Variants in LRFN5 observed in about 807,000 individuals in gnomAD.
The protein encoded by LRFN5 is leucine-rich repeat and fibronectin type-III domain-containing protein 5.
In LRFN5, 24 loss-of-function variants were observed where a neutral mutation model predicts 45.6. The ratio of observed to expected loss-of-function variants is 0.53; its 90% confidence interval spans 0.38 to 0.74. The LOEUF (loss-of-function observed/expected upper bound fraction) is 0.74, where lower values mean the gene tolerates loss of function less well. Ranked by LOEUF, LRFN5 falls within the 30% of genes least tolerant of loss-of-function variation. LRFN5 has a pLI of 0.00. For missense variants in LRFN5, 776 were observed against 861.5 expected (o/e 0.90, Z 1.24); for synonymous variants, 340 against 313.8 (o/e 1.08, Z -0.88).
At chr14:41,839,084 A>G (rs1051140156) in intron 2 of LRFN5, among the ~76,000 whole-genome samples, 8 of 152,154 alleles carry the variant, frequency 5.3e-5, no homozygotes, top group Non-Finnish European at 1.2e-4. Flanking sequence ...GTAGCCTGAG[A>G]TAGTGTATTC....
intron 1 of LRFN5, among the ~76,000 whole-genome samples, chr14:41,697,089 C>T (rs1279722064): frequency 6.6e-6 from 1 of 151,772 alleles, no homozygotes; most frequent in Non-Finnish European, 1.5e-5. Flanking sequence ...TGATAACCTC[C>T]TAAAACTTGT....
intron 2 of LRFN5, among the ~76,000 whole-genome samples, chr14:41,875,122 T>A (rs562984754): frequency 6.6e-6 from 1 of 152,362 alleles, no homozygotes; most frequent in East Asian, 1.9e-4. Flanking sequence ...TTAATTGTAC[T>A]TATCTCCTGG....
intron 2 of LRFN5, among the ~76,000 whole-genome samples, chr14:41,861,868 G>A (rs1889676241): frequency 6.6e-6 from 1 of 152,064 alleles, no homozygotes; most frequent in South Asian, 2.1e-4. Context: ...CTCATACCCT[G>A]CCTATTGATG....
rs574185931 is a variant in LRFN5 at position 41,738,912 on chromosome 14, A to G, written c.-196-27942A>G. On this transcript the variant is annotated intron_variant, in intron 1 of 5. Coordinates refer to ENST00000298119, the MANE Select transcript of LRFN5 (RefSeq NM_152447.5). ...ACTATTTACAACAAATGAATCTAAC[A>G]GGTATTATAGAACAGTTCATCTAAC... 2.0e-5 allele frequency among the ~76,000 whole-genome samples: 3 copies of G among 152,346 alleles called. No individual in the cohort carries two copies. The South Asian group carries it at 6.2e-4, about 32-fold the overall frequency.
intron 1 of LRFN5, among the ~76,000 whole-genome samples, chr14:41,629,066 A>C (rs2138575035): frequency 6.6e-6 from 1 of 152,336 alleles, no homozygotes; most frequent in Admixed American, 6.5e-5. Context: ...AGATCTATAT[A>C]GATATTTAAA....
At chr14:41,824,322 C>T (rs1161102620) in intron 2 of LRFN5, among the ~76,000 whole-genome samples, 1 of 152,148 alleles carries the variant, frequency 6.6e-6, no homozygotes, top group Non-Finnish European at 1.5e-5. Context: ...TACTTTTGGT[C>T]AGTTGGTTCC....
At chr14:41,687,474 A>G (rs1013804400) in intron 1 of LRFN5, among the ~76,000 whole-genome samples, 2 of 152,212 alleles carry the variant, frequency 1.3e-5, no homozygotes, top group African/African-American at 4.8e-5. Flanking sequence ...TGATCCAGCA[A>G]TCTCATTACT....
At chr14:41,817,782 G>A (rs1233934101) in intron 2 of LRFN5, among the ~76,000 whole-genome samples, 1 of 152,088 alleles carries the variant, frequency 6.6e-6, no homozygotes. Context: ...AATACAAAAG[G>A]GTAAGGGCCC....
Position 41,865,371 on chromosome 14 carries a change from G to C in LRFN5, c.-20-21235G>C, listed in dbSNP as rs537433323. On this transcript the variant is annotated intron_variant, in intron 2 of 5. Coordinates refer to ENST00000298119, the MANE Select transcript of LRFN5 (RefSeq NM_152447.5). ...TGTTTTTATGTAGCATGATTTCAAG[G>C]TTCATTTATGGTATTGCGTATATCA... is the stretch of plus-strand genomic sequence containing the variant. 5.1e-4 allele frequency among the ~76,000 whole-genome samples: 77 copies of C among 152,090 alleles called. 1 individual carries two copies. The highest frequency in any genetic ancestry group is 9.2e-4 in the Admixed American group (14 of 15,254).
chr14:41,719,735 ATG>A (rs367934897), intron 1 of LRFN5, among the ~76,000 whole-genome samples: 16 of 150,642 alleles, frequency 1.1e-4, no homozygotes, highest in East Asian at 5.8e-4. Context: ...ATATATATGT[ATG>A]TGTGTGTGTA....
At chr14:41,609,373 A>C (rs577330603) in intron 1 of LRFN5, among the ~76,000 whole-genome samples, 1 of 149,422 alleles carries the variant, frequency 6.7e-6, no homozygotes, top group Admixed American at 6.7e-5. Flanking sequence ...GATATTTTGA[A>C]TTTTTTTTTT....
At chr14:41,764,602 G>A (rs1050769549) in intron 1 of LRFN5, among the ~76,000 whole-genome samples, 3 of 152,004 alleles carry the variant, frequency 2.0e-5, no homozygotes, top group Non-Finnish European at 4.4e-5. Flanking sequence ...ATGATATTTT[G>A]AGGCCTTTAT....
chr14:41,901,840 G>A (rs965760215), intron 5 of LRFN5, among the ~76,000 whole-genome samples: 24 of 152,060 alleles, frequency 1.6e-4, no homozygotes, highest in African/African-American at 5.8e-4. Flanking sequence ...GCAGGAGGAG[G>A]TTCCTATGAT....
chr14:41,673,249 T>C (rs1881326840), intron 1 of LRFN5, among the ~76,000 whole-genome samples: 1 of 151,376 alleles, frequency 6.6e-6, no homozygotes, highest in Non-Finnish European at 1.5e-5. Context: ...CCAGACGGGG[T>C]GGTGGCCGGG....
chr14:41,883,331 A>G (rs1890453225), intron 2 of LRFN5, among the ~76,000 whole-genome samples: 1 of 144,624 alleles, frequency 6.9e-6, no homozygotes, highest in Admixed American at 7.1e-5. Flanking sequence ...TATTCCAGAA[A>G]TACTATTTAT....
At chr14:41,710,016 T>C (rs891067533) in intron 1 of LRFN5, among the ~76,000 whole-genome samples, 2 of 152,020 alleles carry the variant, frequency 1.3e-5, no homozygotes, top group Non-Finnish European at 2.9e-5. Context: ...ATAGACTAAC[T>C]GGCGTGTTTC....
At chr14:41,796,420 TAG>T (rs1887133560) in intron 2 of LRFN5, among the ~76,000 whole-genome samples, 1 of 151,950 alleles carries the variant, frequency 6.6e-6, no homozygotes, top group Non-Finnish European at 1.5e-5. Flanking sequence ...ATATTTTACA[TAG>T]AGTTTCAGAT....
chr14:41,724,893 G>T (rs1461326987), intron 1 of LRFN5, among the ~76,000 whole-genome samples: 1 of 151,926 alleles, frequency 6.6e-6, no homozygotes, highest in Non-Finnish European at 1.5e-5. Flanking sequence ...TTGGTAATCG[G>T]TTACTACCTT....
chr14:41,902,757 T>TA lies in LRFN5; in HGVS notation c.2143-1401_2143-1400insA, dbSNP rs533859792. The stretch of plus-strand genomic sequence containing the variant: ...CTTCTAGGTGTACTGCAACTTTTAC[T>TA]TTTACTACTTTTTGTAACTTGACCT... On this transcript the variant is annotated intron_variant, in intron 5 of 5. Coordinates refer to ENST00000298119, the MANE Select transcript of LRFN5 (RefSeq NM_152447.5). 3.4e-3 allele frequency among the ~76,000 whole-genome samples: 515 copies of TA among 151,932 alleles called. 3 individuals carry two copies. The highest frequency in any genetic ancestry group is 0.012 in the African/African-American group (478 of 41,554).
Sources: allele counts gnomAD v4.1 joint callset (sites outside exome capture counted in the v4.1 genomes callset), GRCh38; gene constraint gnomAD v4.1.1; transcripts MANE v1.5; gene names NCBI Gene and HGNC (gene_info 2026-07-23, HGNC 2026-07-21).